EXOC5: variants seen among roughly 807,000 people sequenced by gnomAD.
EXOC5 encodes the protein exocyst complex component 5.
EXOC5 carries 17 observed loss-of-function variants against 90.8 expected under a neutral mutation model. That is an observed-to-expected ratio of 0.19 (90% CI 0.13 to 0.28). EXOC5 has a LOEUF of 0.28. Ranked by LOEUF, EXOC5 falls within the 10% of genes least tolerant of loss-of-function variation. The pLI is 1.00. For synonymous variants in EXOC5, 260 were observed against 270.0 expected (o/e 0.96, Z 0.36); for missense variants, 569 against 830.6 (o/e 0.69, Z 3.87).
intron 4 of EXOC5, among the ~76,000 whole-genome samples, chr14:57,242,118 G>C (rs1206855664): frequency 7.0e-6 from 1 of 143,740 alleles, no homozygotes; most frequent in African/African-American, 2.6e-5. Context: ...GGGGGACAGA[G>C]CGAGACTCCG....
intron 15 of EXOC5, among the ~76,000 whole-genome samples, chr14:57,216,214 C>T (rs1233739248): frequency 6.6e-6 from 1 of 151,284 alleles, no homozygotes; most frequent in African/African-American, 2.4e-5. Flanking sequence ...TTAACCTGTC[C>T]ATACTACTCA....
At chr14:57,263,252 C>T (rs1199523087) in intron 1 of EXOC5, among the ~76,000 whole-genome samples, 2 of 152,130 alleles carry the variant, frequency 1.3e-5, no homozygotes, top group African/African-American at 2.4e-5. Flanking sequence ...GGGAGGACCA[C>T]TTGTGTCCTG....
chr14:57,233,325 T>C lies in EXOC5; in HGVS notation c.855+418A>G, dbSNP rs552299013. The C allele has an allele frequency of 1.0e-4, 16 of 155,892 alleles. No homozygotes were observed. The South Asian group carries it at 1.2e-3, about 12-fold the overall frequency. The allele number at this position is 155,892 out of a possible 1,614,324, so 9.7% of individuals were successfully genotyped here. ...AATGTTATCTGAAAGTACAGTGATA[T>C]GGGGGTAAATTAAATTTCTGTGTTT... is the stretch of plus-strand genomic sequence containing the variant. On this transcript the variant is annotated intron_variant, in intron 9 of 17. Coordinates refer to ENST00000621441, the MANE Select transcript of EXOC5 (RefSeq NM_006544.4).
At chr14:57,247,765 A>G (rs916514007) in intron 1 of EXOC5, 53 bp from the exon 2 acceptor site, 16 of 863,904 alleles carry the variant, frequency 1.9e-5, no homozygotes, top group African/African-American at 3.5e-5. Flanking sequence ...AGTACTTAAT[A>G]TTACTTATAA....
At chr14:57,233,907 C>G (rs757334245) in intron 8 of EXOC5, 24 bp from the exon 9 acceptor site, 1 of 1,602,842 alleles carries the variant, frequency 6.2e-7, no homozygotes, top group Non-Finnish European at 8.5e-7. Context: ...ACATTTTATA[C>G]AGTGAACATA....
At chr14:57,241,042 C>T (rs1208751294) in intron 4 of EXOC5, among the ~76,000 whole-genome samples, 5 of 151,890 alleles carry the variant, frequency 3.3e-5, no homozygotes, top group Non-Finnish European at 5.9e-5. Flanking sequence ...TTAGTAGAGA[C>T]GGGGTTTCGC....
intron 12 of EXOC5, 29 bp from the exon 13 acceptor site, chr14:57,222,445 T>C (rs1293465638): frequency 3.1e-6 from 4 of 1,279,280 alleles, no homozygotes; most frequent in Non-Finnish European, 3.3e-6. Flanking sequence ...ACAATATCAC[T>C]CCTCAAGTCT....
At position 57,266,255 on chromosome 14, in the gene EXOC5, A is replaced by G. The variant is rs182867548; in HGVS notation, c.27+2367T>C. 2.3e-3 allele frequency among the ~76,000 whole-genome samples: 357 copies of G among 152,324 alleles called. 3 individuals are homozygous for G. Among genetic ancestry groups the G allele is most frequent in the African/African-American group, 7.9e-3 (328 of 41,566 alleles). ...GGGACTAAGAAAGGGAAGCAGGAGAAAAAGATACTTCCCGTGACTCTTACT... is the reference window on the plus strand; with the variant it reads ...GGGACTAAGAAAGGGAAGCAGGAGAGAAAGATACTTCCCGTGACTCTTACT... On this transcript the variant is annotated intron_variant, in intron 1 of 17. Transcript: ENST00000621441.
rs749021863 is a variant in EXOC5 at position 57,206,184 on chromosome 14, TA to T, written c.*2424del. On this transcript the variant is annotated 3_prime_UTR_variant, in exon 18 of 18. Coordinates refer to ENST00000621441, the MANE Select transcript of EXOC5 (RefSeq NM_006544.4). ...TAATACTGCAAAGACCGTACTTACG[TA>T]AATGTTGGTTAAAGTTACCAATTAT... The T allele has an allele frequency of 6.5e-6, 2 of 306,404 alleles. No individual in the cohort carries two copies. Among genetic ancestry groups the T allele is most frequent in the Non-Finnish European group, 1.3e-5 (2 of 156,506 alleles). 19.0% of individuals were successfully genotyped at this position (306,404 alleles called of 1,614,324 possible). A position where few individuals can be genotyped will look rare whatever the true frequency, so the allele number is the denominator to read the frequency against.
Position 57,206,587 on chromosome 14 carries a change from AC to A in EXOC5, c.*2021del, listed in dbSNP as rs1428898874. ...ATATAAAAAGAGTGAAATAAAAAAA[AC>A]AACTGCAGGGAATTTGTTTATTGAG... is the stretch of plus-strand genomic sequence containing the variant. On this transcript the variant is annotated 3_prime_UTR_variant, in exon 18 of 18. Transcript: ENST00000621441. 1.3e-5 allele frequency: 2 copies of A among 152,480 alleles called. No individual in the cohort carries two copies. The highest frequency in any genetic ancestry group is 2.4e-5 in the African/African-American group (1 of 41,456). 9.4% of individuals were successfully genotyped at this position (152,480 alleles called of 1,614,324 possible).
chr14:57,244,140 G>C (rs1236034588), intron 4 of EXOC5, 25 bp downstream of exon 4: 1 of 1,521,300 alleles, frequency 6.6e-7, no homozygotes, highest in Non-Finnish European at 9.1e-7. Flanking sequence ...GCTGTGATTT[G>C]GTTTTATCCT....
At chr14:57,230,328 C>T (rs1883442665) in intron 11 of EXOC5, among the ~76,000 whole-genome samples, 1 of 151,966 alleles carries the variant, frequency 6.6e-6, no homozygotes, top group African/African-American at 2.4e-5. Context: ...TTTAGCTATT[C>T]TTAATTACTG....
At chr14:57,267,902 A>G (rs915362580) in intron 1 of EXOC5, among the ~76,000 whole-genome samples, 16 of 152,186 alleles carry the variant, frequency 1.1e-4, no homozygotes, top group Non-Finnish European at 2.1e-4. Flanking sequence ...TATACATGAA[A>G]CGAAGTGTTC....
At chr14:57,226,431 G>A (rs1003453210) in intron 12 of EXOC5, among the ~76,000 whole-genome samples, 1 of 152,048 alleles carries the variant, frequency 6.6e-6, no homozygotes, top group Non-Finnish European at 1.5e-5. Flanking sequence ...GCTTATAATG[G>A]CATCAAAATA....
At chr14:57,211,210 C>T (rs887674698) in intron 15 of EXOC5, among the ~76,000 whole-genome samples, 5 of 152,176 alleles carry the variant, frequency 3.3e-5, no homozygotes, top group Non-Finnish European at 5.9e-5. Context: ...GTGTTAGCAA[C>T]GTCACCTTGT....
At chr14:57,239,869 A>G (rs1241331256) in intron 4 of EXOC5, among the ~76,000 whole-genome samples, 1 of 152,156 alleles carries the variant, frequency 6.6e-6, no homozygotes, top group Non-Finnish European at 1.5e-5. Context: ...AATAACATAA[A>G]CATTTAGCTT....
chr14:57,204,985 A>G lies in EXOC5; in HGVS notation c.*3624T>C, dbSNP rs1032095785. 1 of 151,936 alleles carries G rather than the reference A, an allele frequency of 6.6e-6. No individual in the cohort carries two copies. Among genetic ancestry groups the G allele is most frequent in the Non-Finnish European group, 1.5e-5 (1 of 67,856 alleles). The allele number at this position is 151,936 out of a possible 1,614,324, so 9.4% of individuals were successfully genotyped here. ...ATATAGAACCTAAAAGTGAGTGAGA[A>G]AAGATTTAGGTTTCAATCTGAGCAT... On this transcript the variant is annotated 3_prime_UTR_variant, in exon 18 of 18. Transcript: ENST00000621441.
chr14:57,254,406 G>A (rs916254723), intron 1 of EXOC5, among the ~76,000 whole-genome samples: 2 of 151,318 alleles, frequency 1.3e-5, no homozygotes, highest in Admixed American at 6.6e-5. Context: ...CTGCACTCCA[G>A]CCTGGGTAAC....
At chr14:57,223,690 G>C (rs1225823686) in intron 12 of EXOC5, among the ~76,000 whole-genome samples, 3 of 151,998 alleles carry the variant, frequency 2.0e-5, no homozygotes, top group African/African-American at 7.2e-5. Context: ...TAAGGATATA[G>C]AAGACTTGAA....
Sources: allele counts gnomAD v4.1 joint callset (sites outside exome capture counted in the v4.1 genomes callset), GRCh38; gene constraint gnomAD v4.1.1; transcripts MANE v1.5; gene names NCBI Gene and HGNC (gene_info 2026-07-23, HGNC 2026-07-21).